The following DPY19L3 variants were observed in gnomAD, a reference collection of about 807,000 sequenced individuals.
The protein encoded by DPY19L3 is dpy-19 like C-mannosyltransferase 3.
Under a neutral mutation model 92.3 loss-of-function variants are expected in DPY19L3, and 51 were observed. The observed-to-expected ratio is 0.55, with a 90% confidence interval of 0.44 to 0.70. The LOEUF (loss-of-function observed/expected upper bound fraction) is 0.70. DPY19L3 is among the 30% of genes least tolerant of loss of function. The probability of loss-of-function intolerance (pLI) is 0.00; values close to 1 mark genes in which losing one functional copy is unlikely to be tolerated. For synonymous variants in DPY19L3, 309 were observed against 315.2 expected (o/e 0.98, Z 0.21); for missense variants, 706 against 855.9 (o/e 0.82, Z 2.18).
chr19:32,474,514 AAATAC>A (rs1397256931), intron 16 of DPY19L3, among the ~76,000 whole-genome samples: 24 of 152,246 alleles, frequency 1.6e-4, no homozygotes, highest in Non-Finnish European at 3.2e-4. Flanking sequence ...AAGCATTAGT[AAATAC>A]GTGATACACT....
intron 3 of DPY19L3, among the ~76,000 whole-genome samples, chr19:32,427,032 C>T (rs1438372939): frequency 1.3e-5 from 2 of 152,178 alleles, no homozygotes; most frequent in African/African-American, 2.4e-5. Flanking sequence ...CTTGCTCTGT[C>T]TCCCAGTCTG....
rs372213578 is a variant in DPY19L3 at position 32,408,232 on chromosome 19, C to G, written c.-22C>G. The G allele has an allele frequency of 6.4e-7, 1 of 1,567,050 alleles. No individual in the cohort carries two copies. Among genetic ancestry groups the G allele is most frequent in the Non-Finnish European group, 8.8e-7 (1 of 1,141,476 alleles). ...TGCTATCTAGGAGTGATTTGGAGAA[C>G]AATGCATGTAAGTCTGACATCATGA... On this transcript the variant is annotated 5_prime_UTR_variant, in exon 2 of 19. Transcript: ENST00000392250.
At chr19:32,449,191 A>C (rs1969615315) in intron 8 of DPY19L3, among the ~76,000 whole-genome samples, 1 of 152,250 alleles carries the variant, frequency 6.6e-6, no homozygotes, top group South Asian at 2.1e-4. Flanking sequence ...AGCATCAAAA[A>C]GGGTCAAATG....
At position 32,408,213 on chromosome 19, in the gene DPY19L3, C is replaced by T. The variant is rs1192786918; in HGVS notation, c.-37-4C>T. The T allele has an allele frequency of 1.4e-6, 2 of 1,456,742 alleles. No homozygotes were observed. The highest frequency in any genetic ancestry group is 1.7e-5 in the Admixed American group (1 of 58,306). 90.2% of individuals were successfully genotyped at this position (1,456,742 alleles called of 1,614,324 possible). The stretch of plus-strand genomic sequence containing the variant: ...ACGTTGATGGCCTGTTTATTGCTAT[C>T]TAGGAGTGATTTGGAGAACAATGCA... On this transcript the variant is annotated splice_polypyrimidine_tract_variant and splice_region_variant and intron_variant, in intron 1 of 18. Transcript: ENST00000392250.
At position 32,482,095 on chromosome 19, in the gene DPY19L3, G is replaced by A. The variant is rs138487024; in HGVS notation, c.2006G>A (p.Gly669Glu). 6.2e-7 allele frequency: 1 copy of A among 1,613,660 alleles called. No homozygotes were observed. Among genetic ancestry groups the A allele is most frequent in the Non-Finnish European group, 8.5e-7 (1 of 1,179,788 alleles). ...TGGTTTTAGATGATGGATGGCCCAG[G>A]AGAGAATGATCCTGATTTGAAACCT... ...IANGHMMDGPGENDPDLKPAD... is the reference protein window; with the variant it reads ...IANGHMMDGPEENDPDLKPAD... The change falls in exon 19 of 19, where the codon GGA becomes GAA. Residue 669 changes from glycine (G) to glutamate (E), a missense_variant. Gly to Glu is a moderately conservative substitution (Grantham distance 98, BLOSUM62 -2). Coordinates refer to ENST00000392250, the MANE Select transcript of DPY19L3 (RefSeq NM_001172774.2).
At chr19:32,417,493 G>A (rs1356159347) in intron 3 of DPY19L3, among the ~76,000 whole-genome samples, 1 of 152,038 alleles carries the variant, frequency 6.6e-6, no homozygotes, top group Non-Finnish European at 1.5e-5. Flanking sequence ...GCTAATTTTT[G>A]TATTTTTAGT....
intron 3 of DPY19L3, among the ~76,000 whole-genome samples, chr19:32,414,724 A>G (rs1968320717): frequency 6.6e-6 from 1 of 152,258 alleles, no homozygotes; most frequent in East Asian, 1.9e-4. Context: ...ATTGAATGCT[A>G]ACAACCGTAT....
At chr19:32,449,228 A>G (rs551171210) in intron 8 of DPY19L3, among the ~76,000 whole-genome samples, 220 of 152,366 alleles carry the variant, frequency 1.4e-3, no homozygotes, top group African/African-American at 5.2e-3. Context: ...ACACAAAGTG[A>G]CAATTTACGC....
chr19:32,449,323 C>A (rs536536156), intron 8 of DPY19L3, among the ~76,000 whole-genome samples: 18 of 152,292 alleles, frequency 1.2e-4, no homozygotes, highest in Admixed American at 1.1e-3. Flanking sequence ...GGAATACTTA[C>A]TGTTGTTAAG....
intron 16 of DPY19L3, 82 bp from the exon 17 acceptor site, chr19:32,477,440 T>C: frequency 7.7e-6 from 12 of 1,556,508 alleles, no homozygotes; most frequent in Non-Finnish European, 1.1e-5. Flanking sequence ...TGGATTCTTC[T>C]GAAAAAGTTT....
chr19:32,444,039 AAAAAAAAAAG>A (rs1969408196), intron 8 of DPY19L3, among the ~76,000 whole-genome samples: 1 of 151,770 alleles, frequency 6.6e-6, no homozygotes. Context: ...TGTCTCAAAA[AAAAAAAAAAG>A]AAAAAAAAAT....
chr19:32,465,672 T>G (rs1324021038), intron 15 of DPY19L3, among the ~76,000 whole-genome samples: 2 of 152,182 alleles, frequency 1.3e-5, no homozygotes, highest in African/African-American at 4.8e-5. Context: ...TATATTTTCA[T>G]GTAGGATTTT....
rs568021384 is a variant in DPY19L3, at chr19:32,467,476, C to T, written c.1615-1255C>T. On this transcript the variant is annotated intron_variant, in intron 15 of 18. Transcript: ENST00000392250. Reference sequence around the variant, plus strand: ...ACTACATCTCTTCCAAAAACTAGAACCAGAAGTCCTGACACCTGATTTCCC... The same window carrying T: ...ACTACATCTCTTCCAAAAACTAGAATCAGAAGTCCTGACACCTGATTTCCC... 4.1e-6 allele frequency: 4 copies of T among 987,492 alleles called. No homozygotes were observed. The South Asian group carries it at 1.4e-4, about 35-fold the overall frequency. The allele number at this position is 987,492 out of a possible 1,614,324, so 61.2% of individuals were successfully genotyped here.
chr19:32,414,979 C>G (rs994861079), intron 3 of DPY19L3, among the ~76,000 whole-genome samples: 8 of 152,176 alleles, frequency 5.3e-5, no homozygotes, highest in Non-Finnish European at 1.0e-4. Context: ...CTGCAGAGAA[C>G]ATGGAAGGAA....
At chr19:32,464,858 G>A (rs1442672213) in intron 15 of DPY19L3, 74 bp downstream of exon 15, 3 of 1,079,756 alleles carry the variant, frequency 2.8e-6, no homozygotes, top group Non-Finnish European at 3.9e-6. Context: ...TATATTTTGT[G>A]TATTATTTGG....
intron 17 of DPY19L3, among the ~76,000 whole-genome samples, chr19:32,479,834 AG>A (rs1419854917): frequency 1.3e-5 from 2 of 152,172 alleles, no homozygotes; most frequent in African/African-American, 4.8e-5. Flanking sequence ...GATGGACGAG[AG>A]GGAGAGGAGC....
intron 16 of DPY19L3, among the ~76,000 whole-genome samples, chr19:32,476,546 AAAG>A (rs1185772774): frequency 6.6e-6 from 1 of 151,648 alleles, no homozygotes; most frequent in Admixed American, 6.6e-5. Flanking sequence ...AAAAAAAAAA[AAAG>A]AGGAAAGGAA....
chr19:32,433,611 C>T (rs190832876), intron 4 of DPY19L3, among the ~76,000 whole-genome samples: 3 of 152,082 alleles, frequency 2.0e-5, no homozygotes, highest in East Asian at 1.9e-4. Flanking sequence ...TCTGTGGAGA[C>T]GAAGTCTCAC....
intron 3 of DPY19L3, chr19:32,412,037 A>C (rs984763441): frequency 3.3e-5 from 5 of 152,116 alleles, no homozygotes; most frequent in African/African-American, 1.2e-4. Flanking sequence ...CCACCTCACC[A>C]AGCTAAATTT....
Sources: allele counts gnomAD v4.1 joint callset (sites outside exome capture counted in the v4.1 genomes callset), GRCh38; gene constraint gnomAD v4.1.1; transcripts MANE v1.5; gene names NCBI Gene and HGNC (gene_info 2026-07-23, HGNC 2026-07-21).